CNBD1: variants seen among roughly 807,000 people sequenced by gnomAD.
The protein encoded by CNBD1 is cyclic nucleotide-binding domain-containing protein 1.
CNBD1 carries 71 observed loss-of-function variants against 54.4 expected under a neutral mutation model. That is an observed-to-expected ratio of 1.30 (90% confidence interval 1.08 to 1.59). The LOEUF is 1.59. Among genes scored for constraint, CNBD1 ranks in the 40% most tolerant of loss-of-function variants. The pLI is 0.00. For synonymous variants in CNBD1, 182 were observed against 170.7 expected (o/e 1.07, Z -0.51); for missense variants, 659 against 518.0 (o/e 1.27, Z -2.64).
chr8:87,146,468 CAACTT>C (rs1812490377), intron 4 of CNBD1, among the ~76,000 whole-genome samples: 2 of 152,096 alleles, frequency 1.3e-5, no homozygotes, highest in South Asian at 4.1e-4. Context: ...ATTGTGCTCT[CAACTT>C]AATTTATTTT....
chr8:87,390,320 T>A (rs1269610700), intron 2 of CNBD1, among the ~76,000 whole-genome samples: 2 of 151,908 alleles, frequency 1.3e-5, no homozygotes, highest in South Asian at 2.1e-4. Flanking sequence ...CAACCTACAG[T>A]ATGGGAAAAA....
At chr8:87,412,770 A>G (rs900119256) in intron 2 of CNBD1, among the ~76,000 whole-genome samples, 11 of 151,938 alleles carry the variant, frequency 7.2e-5, no homozygotes, top group South Asian at 2.1e-4. Context: ...GAGGAACTTC[A>G]GTATTTAAAG....
chr8:87,189,607 C>T (rs1813556355), intron 4 of CNBD1, among the ~76,000 whole-genome samples: 1 of 152,064 alleles, frequency 6.6e-6, no homozygotes, highest in African/African-American at 2.4e-5. Context: ...GTTTTTTAAG[C>T]TTGAAAAGAA....
chr8:87,247,288 G>C (rs965647940), intron 6 of CNBD1, among the ~76,000 whole-genome samples: 1 of 152,122 alleles, frequency 6.6e-6, no homozygotes, highest in African/African-American at 2.4e-5. Context: ...TTCCTTCCCA[G>C]TTAAGGGCTC....
chr8:87,382,841 G>C lies in CNBD1; in HGVS notation c.*214G>C. 1 of 425,562 alleles carries C rather than the reference G, an allele frequency of 2.3e-6. No homozygotes were observed. Among genetic ancestry groups the C allele is most frequent in the East Asian group, 3.3e-5 (1 of 29,976 alleles). 26.4% of individuals were successfully genotyped at this position (425,562 alleles called of 1,614,324 possible). A position where few individuals can be genotyped will look rare whatever the true frequency, so the allele number is the denominator to read the frequency against. On this transcript the variant is annotated 3_prime_UTR_variant, in exon 11 of 11. Transcript: ENST00000518476. ...TGGTTTGGATACTAAAATAAATATA[G>C]TTATCATTGCTTGATTTACCTCTGT...
intron 6 of CNBD1, among the ~76,000 whole-genome samples, chr8:87,274,488 T>C (rs550701563): frequency 6.7e-6 from 1 of 148,948 alleles, no homozygotes; most frequent in South Asian, 2.2e-4. Flanking sequence ...TGATATCTCA[T>C]TGTGGTTTTG....
Position 87,278,868 on chromosome 8 carries a change from TA to T in CNBD1, c.772-5803del, listed in dbSNP as rs555892005. Among the ~76,000 whole-genome samples the T allele has an allele frequency of 9.6e-4, 145 of 151,410 alleles. 2 individuals carry two copies. The highest frequency in any genetic ancestry group is 3.3e-3 in the African/African-American group (138 of 41,474). On this transcript the variant is annotated intron_variant, in intron 6 of 10. Transcript: ENST00000518476. ...AAGCAAAAACAGCAATAGAATAGTG[TA>T]AAAAAATTTTTCAATCCTTGCCTTT...
At chr8:87,086,417 A>G (rs540407478) in intron 4 of CNBD1, among the ~76,000 whole-genome samples, 2 of 152,338 alleles carry the variant, frequency 1.3e-5, no homozygotes, top group African/African-American at 4.8e-5. Flanking sequence ...TCTGATTGTT[A>G]GAAGGTGGGA....
chr8:87,402,935 G>T (rs971275429), intron 2 of CNBD1, among the ~76,000 whole-genome samples: 11 of 152,042 alleles, frequency 7.2e-5, no homozygotes, highest in Non-Finnish European at 1.6e-4. Flanking sequence ...AGCATACTTA[G>T]TAATGTAATG....
At chr8:86,954,959 A>G (rs915717775) in intron 4 of CNBD1, among the ~76,000 whole-genome samples, 5 of 149,970 alleles carry the variant, frequency 3.3e-5, no homozygotes, top group African/African-American at 7.3e-5. Flanking sequence ...CATTAGGTAT[A>G]TCTCCTAATG....
intron 3 of CNBD1, among the ~76,000 whole-genome samples, chr8:86,938,725 T>C (rs985245160): frequency 3.9e-5 from 6 of 152,144 alleles, no homozygotes; most frequent in Non-Finnish European, 8.8e-5. Context: ...GGAGCTACAA[T>C]TCAAGATGAG....
At chr8:87,186,744 A>C (rs1010112029) in intron 4 of CNBD1, among the ~76,000 whole-genome samples, 2 of 152,012 alleles carry the variant, frequency 1.3e-5, no homozygotes, top group African/African-American at 2.4e-5. Context: ...TTTTAAATTT[A>C]TTATTGAAAT....
At chr8:87,423,809 T>G (rs1389553520) in intron 2 of CNBD1, among the ~76,000 whole-genome samples, 1 of 152,096 alleles carries the variant, frequency 6.6e-6, no homozygotes, top group Non-Finnish European at 1.5e-5. Flanking sequence ...TTAGGGAGGA[T>G]TCCCTCTTTT....
At chr8:87,327,883 C>G (rs112334682) in intron 8 of CNBD1, among the ~76,000 whole-genome samples, 2,803 of 152,070 alleles carry the variant, frequency 0.018, 101 homozygotes, top group African/African-American at 0.064. Flanking sequence ...ATGTTACTAT[C>G]TTTAATCCAT....
At chr8:87,325,888 C>T (rs1401244543) in intron 8 of CNBD1, among the ~76,000 whole-genome samples, 2 of 137,148 alleles carry the variant, frequency 1.5e-5, no homozygotes, top group African/African-American at 5.4e-5. Flanking sequence ...GATGCAGTTT[C>T]TTCCTAGTCT....
intron 5 of CNBD1, among the ~76,000 whole-genome samples, chr8:87,229,554 C>A (rs891281648): frequency 2.0e-5 from 3 of 151,908 alleles, no homozygotes; most frequent in Non-Finnish European, 4.4e-5. Flanking sequence ...AATAATTTGT[C>A]TATAAATTTT....
In CNBD1 at chr8:86,867,373, T is replaced by A. The variant is rs538328734; in HGVS notation, c.88+790T>A. Among the ~76,000 whole-genome samples the A allele has an allele frequency of 7.9e-5, 12 of 152,298 alleles. No homozygotes were observed. The East Asian group carries it at 2.3e-3, about 29-fold the overall frequency. The stretch of plus-strand genomic sequence containing the variant: ...AAAGCATTAACTCTTATTTTATTAT[T>A]CATTGGGCAGATTTATAGTATTGAT... On this transcript the variant is annotated intron_variant, in intron 1 of 10. Coordinates refer to ENST00000518476, the MANE Select transcript of CNBD1 (RefSeq NM_173538.3).
chr8:87,337,853 C>A (rs1254436555), intron 8 of CNBD1, among the ~76,000 whole-genome samples: 2 of 152,184 alleles, frequency 1.3e-5, no homozygotes, highest in Non-Finnish European at 2.9e-5. Flanking sequence ...GCAGGATTTG[C>A]ATGCTGCTTT....
intron 4 of CNBD1, among the ~76,000 whole-genome samples, chr8:87,121,919 TTTA>T (rs1200999116): frequency 6.6e-6 from 1 of 151,510 alleles, no homozygotes; most frequent in East Asian, 1.9e-4. Context: ...TGACATATAA[TTTA>T]TTGTCATATA....
Sources: gnomAD v4.1 joint callset for allele counts (sites outside exome capture counted in the v4.1 genomes callset) on GRCh38, gnomAD v4.1.1 for gene constraint, MANE v1.5 for transcripts, NCBI Gene and HGNC (gene_info 2026-07-23, HGNC 2026-07-21) for gene names.